Variants in PDE11A observed in about 807,000 individuals in gnomAD.
PDE11A encodes dual 3',5'-cyclic-AMP and -GMP phosphodiesterase 11A.
A neutral mutation model predicts 100.5 loss-of-function variants in PDE11A; 100 were observed. That is an observed-to-expected ratio of 1.00 (90% CI 0.85 to 1.18). PDE11A has a LOEUF of 1.18. PDE11A is among the 50% of genes most tolerant of loss of function. The pLI is 0.00. For missense variants in PDE11A, 1,141 were observed against 1,152.6 expected (o/e 0.99, Z 0.15); for synonymous variants, 381 against 420.8 (o/e 0.91, Z 1.16).
intron 1 of PDE11A, among the ~76,000 whole-genome samples, chr2:178,051,250 C>A (rs997914930): frequency 1.3e-5 from 2 of 152,244 alleles, no homozygotes; most frequent in East Asian, 3.9e-4. Flanking sequence ...CATATCCAGC[C>A]AAACTAAGCT....
At chr2:177,988,032 A>C (rs941987921) in intron 2 of PDE11A, among the ~76,000 whole-genome samples, 2 of 152,252 alleles carry the variant, frequency 1.3e-5, no homozygotes, top group Non-Finnish European at 2.9e-5. Flanking sequence ...ATTGCCACAC[A>C]CAAAATCTTG....
At chr2:177,788,112 T>C (rs1160563601) in intron 9 of PDE11A, among the ~76,000 whole-genome samples, 1 of 151,890 alleles carries the variant, frequency 6.6e-6, no homozygotes, top group African/African-American at 2.4e-5. Context: ...ACCACACCTA[T>C]TCCAAAATTG....
chr2:178,045,907 C>T (rs1334987064), intron 1 of PDE11A, among the ~76,000 whole-genome samples: 1 of 152,182 alleles, frequency 6.6e-6, no homozygotes, highest in African/African-American at 2.4e-5. Context: ...GGAATCCAGC[C>T]TTGAACATGT....
chr2:177,943,053 C>T (rs1033722798), intron 2 of PDE11A, among the ~76,000 whole-genome samples: 2 of 152,178 alleles, frequency 1.3e-5, no homozygotes. Flanking sequence ...GGATTTCTTC[C>T]CTTTTTAAAG....
At chr2:177,924,096 T>G (rs1468241314) in intron 2 of PDE11A, among the ~76,000 whole-genome samples, 1 of 152,234 alleles carries the variant, frequency 6.6e-6, no homozygotes, top group African/African-American at 2.4e-5. Context: ...ACAGCTTGTG[T>G]TGGCTTAAAG....
Position 177,875,766 on chromosome 2 carries a change from A to G in PDE11A, c.1367+93T>C, listed in dbSNP as rs575312373. 3 of 825,118 alleles carry G rather than the reference A, an allele frequency of 3.6e-6. No individual in the cohort carries two copies. In the Admixed American group the frequency reaches 5.3e-5, roughly 15 times the overall value. The allele number at this position is 825,118 out of a possible 1,614,324, so 51.1% of individuals were successfully genotyped here. ...GATATTTGGTTGTGCTTGCTAATAT[A>G]AAGAACTACTACTATCTTCTAAGAA... On this transcript the variant is annotated intron_variant, in intron 5 of 19. Coordinates refer to ENST00000286063, the MANE Select transcript of PDE11A (RefSeq NM_016953.4).
At chr2:178,081,923 AC>A (rs1468142112) in intron 2 of PDE11A, among the ~76,000 whole-genome samples, 1 of 152,260 alleles carries the variant, frequency 6.6e-6, no homozygotes, top group Non-Finnish European at 1.5e-5. Context: ...ATCAGAGACT[AC>A]CCAGTACTTC....
chr2:178,013,083 A>G (rs1192577207), intron 2 of PDE11A, among the ~76,000 whole-genome samples: 5 of 152,174 alleles, frequency 3.3e-5, no homozygotes, highest in Non-Finnish European at 7.3e-5. Flanking sequence ...TTTTTGCTTC[A>G]GAGGACAGAT....
chr2:178,002,173 G>A (rs2086153045), intron 2 of PDE11A, among the ~76,000 whole-genome samples: 1 of 152,044 alleles, frequency 6.6e-6, no homozygotes. Flanking sequence ...GCATTATTTG[G>A]TTTTCTGTTC....
intron 12 of PDE11A, among the ~76,000 whole-genome samples, chr2:177,723,467 T>C (rs1397092821): frequency 2.0e-5 from 3 of 152,168 alleles, no homozygotes; most frequent in Non-Finnish European, 4.4e-5. Flanking sequence ...TAAATTTTAA[T>C]GTGATCATGT....
chr2:178,080,787 C>G (rs1574388483), intron 2 of PDE11A, among the ~76,000 whole-genome samples: 1 of 151,842 alleles, frequency 6.6e-6, no homozygotes, highest in African/African-American at 2.4e-5. Context: ...ATATTACTCC[C>G]AAGAGTAACT....
intron 15 of PDE11A, among the ~76,000 whole-genome samples, chr2:177,681,260 T>C (rs1393922771): frequency 6.6e-6 from 1 of 152,176 alleles, no homozygotes; most frequent in Non-Finnish European, 1.5e-5. Flanking sequence ...TGGGGACAAT[T>C]CTAGAATGTT....
chr2:178,071,918 C>A lies in PDE11A; in HGVS notation c.520G>T (p.Ala174Ser), dbSNP rs768126831. 2 of 1,614,028 alleles carry A rather than the reference C, an allele frequency of 1.2e-6. No individual in the cohort carries two copies. The highest frequency in any genetic ancestry group is 1.7e-6 in the Non-Finnish European group (2 of 1,179,896). ...LPPTTAHILS[A>S]LLESRVNLPR... ...AGATTCACTCTCGATTCCAGCAGCG[C>A]ACTGAGAATATGGGCTGTGGTGGGG... The change falls in exon 1 of 20, where the codon GCG becomes TCG. Residue 174 changes from alanine (A) to serine (S), a missense_variant. By Grantham distance (99) the Ala-to-Ser change is moderately conservative. Coordinates refer to ENST00000286063, the MANE Select transcript of PDE11A (RefSeq NM_016953.4).
chr2:177,905,937 T>C lies in PDE11A; in HGVS notation c.1072-750A>G, dbSNP rs561020942. On this transcript the variant is annotated intron_variant, in intron 2 of 19. Coordinates refer to ENST00000286063, the MANE Select transcript of PDE11A (RefSeq NM_016953.4). ...ACCCCTAACAAAGACTTTCTCATCA[T>C]GGAGGTTTAGGCATAGGGATTTTTA... Among the ~76,000 whole-genome samples, 3 of 152,346 alleles carry C rather than the reference T, an allele frequency of 2.0e-5. No homozygotes were observed. In the South Asian group the frequency reaches 6.2e-4, roughly 32 times the overall value.
intron 5 of PDE11A, among the ~76,000 whole-genome samples, chr2:177,874,972 C>T (rs1217350289): frequency 1.3e-5 from 2 of 152,162 alleles, no homozygotes; most frequent in Non-Finnish European, 2.9e-5. Context: ...ACCTGTAATG[C>T]TAGCACTTTG....
At chr2:177,845,214 G>C (rs1274502814) in intron 5 of PDE11A, among the ~76,000 whole-genome samples, 3 of 151,692 alleles carry the variant, frequency 2.0e-5, no homozygotes, top group Admixed American at 2.0e-4. Context: ...GCCGGGCGGA[G>C]ACGCTCCTCA....
intron 1 of PDE11A, among the ~76,000 whole-genome samples, chr2:178,048,359 A>G (rs2086779631): frequency 6.6e-6 from 1 of 152,160 alleles, no homozygotes; most frequent in Non-Finnish European, 1.5e-5. Flanking sequence ...GGCATGAAAG[A>G]AAGAGTTCTC....
chr2:177,769,217 A>C (rs34543540), intron 10 of PDE11A, 106 bp downstream of exon 10: 70,840 of 782,780 alleles, frequency 0.09, 3,898 homozygotes, highest in South Asian at 0.16. Context: ...CTAGTCCTCC[A>C]GCTCCCAATG....
At chr2:178,105,034 T>C (rs1032133991) in intron 1 of PDE11A, among the ~76,000 whole-genome samples, 5 of 152,242 alleles carry the variant, frequency 3.3e-5, no homozygotes, top group East Asian at 1.9e-4. Context: ...TCATTTACTT[T>C]ACATTCTTAG....
Sources: allele counts gnomAD v4.1 joint callset (sites outside exome capture counted in the v4.1 genomes callset), GRCh38; gene constraint gnomAD v4.1.1; transcripts MANE v1.5; gene names NCBI Gene and HGNC (gene_info 2026-07-23, HGNC 2026-07-21).